Variants in MAGI1 observed in about 807,000 individuals in gnomAD.
MAGI1 encodes the protein membrane-associated guanylate kinase, WW and PDZ domain-containing protein 1.
Under a neutral mutation model 139.9 loss-of-function variants are expected in MAGI1, and 58 were observed. The ratio of observed to expected loss-of-function variants is 0.41; its 90% CI spans 0.34 to 0.52. The LOEUF is 0.52. Among genes scored for constraint, MAGI1 ranks in the 20% least tolerant of loss-of-function variants. MAGI1 has a pLI of 0.12. For synonymous variants in MAGI1, 812 were observed against 737.9 expected (o/e 1.10, Z -1.63); for missense variants, 1,874 against 1,901.6 (o/e 0.99, Z 0.27).
At chr3:65,696,026 C>A (rs2089151512) in intron 1 of MAGI1, among the ~76,000 whole-genome samples, 1 of 152,204 alleles carries the variant, frequency 6.6e-6, no homozygotes, top group Admixed American at 6.5e-5. Flanking sequence ...CCTCTTCTCA[C>A]TCAAGATAAA....
chr3:65,638,681 C>G (rs1286717714), intron 1 of MAGI1, among the ~76,000 whole-genome samples: 1 of 141,728 alleles, frequency 7.1e-6, no homozygotes, highest in East Asian at 2.2e-4. Context: ...GCGATCTCAG[C>G]TCACTGCAAC....
chr3:65,819,139 C>T (rs561045171), intron 1 of MAGI1, among the ~76,000 whole-genome samples: 1 of 151,564 alleles, frequency 6.6e-6, no homozygotes, highest in Admixed American at 6.6e-5. Context: ...ACAAAATTAG[C>T]GGGGTGTGTT....
At chr3:65,819,759 C>T (rs971398937) in intron 1 of MAGI1, among the ~76,000 whole-genome samples, 1 of 150,640 alleles carries the variant, frequency 6.6e-6, no homozygotes, top group African/African-American at 2.4e-5. Context: ...TGTCTGTAGT[C>T]CCAGCTGCTC....
chr3:65,396,323 G>A (rs1575602759), intron 13 of MAGI1, among the ~76,000 whole-genome samples: 1 of 152,118 alleles, frequency 6.6e-6, no homozygotes, highest in Non-Finnish European at 1.5e-5. Flanking sequence ...ATGGAAATGG[G>A]CTCAATTAAA....
intron 2 of MAGI1, among the ~76,000 whole-genome samples, chr3:65,596,699 G>C (rs1215903390): frequency 6.6e-6 from 1 of 152,166 alleles, no homozygotes; most frequent in African/African-American, 2.4e-5. Flanking sequence ...GAGGAAGGGA[G>C]GCATAGCCTT....
intron 1 of MAGI1, among the ~76,000 whole-genome samples, chr3:65,860,722 C>T (rs1218429980): frequency 6.6e-6 from 1 of 152,150 alleles, no homozygotes; most frequent in South Asian, 2.1e-4. Context: ...AGGATGCGTG[C>T]GGTAGGTTCA....
At chr3:65,947,010 A>G (rs1230940259) in intron 1 of MAGI1, among the ~76,000 whole-genome samples, 13 of 152,204 alleles carry the variant, frequency 8.5e-5, no homozygotes, top group Admixed American at 8.5e-4. Flanking sequence ...ATTAATTTCA[A>G]TTTACAGCTA....
intron 14 of MAGI1, among the ~76,000 whole-genome samples, chr3:65,388,740 A>C (rs1943650646): frequency 6.6e-6 from 1 of 151,832 alleles, no homozygotes; most frequent in African/African-American, 2.4e-5. Context: ...CAGAGACTCC[A>C]ATTACCAAAA....
chr3:65,494,318 A>G (rs1023696319), intron 2 of MAGI1, among the ~76,000 whole-genome samples: 2 of 152,212 alleles, frequency 1.3e-5, no homozygotes, highest in African/African-American at 4.8e-5. Context: ...TCAGTGGCTA[A>G]CAAATGTAAC....
At chr3:65,789,726 G>A (rs576992696) in intron 1 of MAGI1, among the ~76,000 whole-genome samples, 55 of 152,154 alleles carry the variant, frequency 3.6e-4, no homozygotes, top group Non-Finnish European at 6.0e-4. Context: ...CCCTATGGCT[G>A]CAATTAGGGA....
chr3:65,729,136 G>T (rs1425835852), intron 1 of MAGI1, among the ~76,000 whole-genome samples: 4 of 56,816 alleles, frequency 7.0e-5, no homozygotes, highest in Non-Finnish European at 1.1e-4. Flanking sequence ...GGGGGGGGGG[G>T]ATGATATTCA....
rs145445673 is a variant in MAGI1, at chr3:65,805,524, G to C, written c.314-183436C>G. Among the ~76,000 whole-genome samples, 896 of 152,330 alleles carry C rather than the reference G, an allele frequency of 5.9e-3. 7 individuals carry two copies. The highest frequency in any genetic ancestry group is 0.02 in the African/African-American group (852 of 41,586). On this transcript the variant is annotated intron_variant, in intron 1 of 22. Transcript: ENST00000402939. ...ATTAGTTCAACCATTGTGGAAGACA[G>C]TGTGGCGATTCCTCAAGGATCTAGA...
At chr3:65,793,861 T>C (rs527896857) in intron 1 of MAGI1, among the ~76,000 whole-genome samples, 1 of 152,306 alleles carries the variant, frequency 6.6e-6, no homozygotes, top group East Asian at 1.9e-4. Flanking sequence ...CAAAAACAAC[T>C]CAATTTTCTG....
In MAGI1 at chr3:65,777,384, A is replaced by G. The variant is rs534158366; in HGVS notation, c.314-155296T>C. Among the ~76,000 whole-genome samples, 16 of 152,342 alleles carry G rather than the reference A, an allele frequency of 1.1e-4. No individual in the cohort carries two copies. The South Asian group carries it at 3.1e-3, about 30-fold the overall frequency. ...ACTGGAAAATACTATGTGTCAAGAA[A>G]AAAAGTAAGTACTGACAAATAAATA... On this transcript the variant is annotated intron_variant, in intron 1 of 22. Coordinates refer to ENST00000402939, the MANE Select transcript of MAGI1 (RefSeq NM_001033057.2).
At chr3:65,559,674 A>G (rs1444257578) in intron 2 of MAGI1, among the ~76,000 whole-genome samples, 1 of 152,176 alleles carries the variant, frequency 6.6e-6, no homozygotes, top group Admixed American at 6.5e-5. Context: ...TAGATCAGAA[A>G]GTGGAAGCCC....
At chr3:65,541,239 A>G (rs2079204495) in intron 2 of MAGI1, among the ~76,000 whole-genome samples, 1 of 152,200 alleles carries the variant, frequency 6.6e-6, no homozygotes, top group Non-Finnish European at 1.5e-5. Context: ...CGAATCCCTG[A>G]AAAGACCAAT....
chr3:65,922,845 G>C (rs916693912), intron 1 of MAGI1, among the ~76,000 whole-genome samples: 2 of 152,126 alleles, frequency 1.3e-5, no homozygotes, highest in Non-Finnish European at 2.9e-5. Context: ...ATAACCACTG[G>C]CGTATTTCCT....
At chr3:65,702,081 A>T (rs2089655549) in intron 1 of MAGI1, among the ~76,000 whole-genome samples, 1 of 152,160 alleles carries the variant, frequency 6.6e-6, no homozygotes, top group African/African-American at 2.4e-5. Context: ...AACATTTGCT[A>T]TACTGAAGAT....
At chr3:65,451,617 A>C (rs946423197) in intron 6 of MAGI1, among the ~76,000 whole-genome samples, 1 of 152,144 alleles carries the variant, frequency 6.6e-6, no homozygotes, top group African/African-American at 2.4e-5. Context: ...TGACACTCAG[A>C]AAGTTTTGGA....
Sources: gnomAD v4.1 joint callset for allele counts (sites outside exome capture counted in the v4.1 genomes callset) on GRCh38, gnomAD v4.1.1 for gene constraint, MANE v1.5 for transcripts, NCBI Gene and HGNC (gene_info 2026-07-23, HGNC 2026-07-21) for gene names.